ENOX1: variants seen among roughly 807,000 people sequenced by gnomAD.
The protein encoded by ENOX1 is candidate growth-related and time keeping constitutive hydroquinone (NADH) oxidase.
ENOX1 carries 42 observed loss-of-function variants against 82.5 expected under a neutral mutation model. That is an observed-to-expected ratio of 0.51 (90% confidence interval 0.40 to 0.66). The LOEUF is 0.66. Ranked by LOEUF, ENOX1 falls within the 30% of genes least tolerant of loss-of-function variation. ENOX1 has a pLI of 0.00. For missense variants in ENOX1, 608 were observed against 811.6 expected, an observed-to-expected ratio of 0.75 and a Z score of 3.05; for synonymous variants, 271 against 282.2, an observed-to-expected ratio of 0.96 and a Z score of 0.40.
chr13:43,344,220 G>A (rs988824527), intron 9 of ENOX1, among the ~76,000 whole-genome samples: 1 of 152,260 alleles, frequency 6.6e-6, no homozygotes, highest in African/African-American at 2.4e-5. Flanking sequence ...GAACGGTGGC[G>A]GCCCTGCAGC....
At chr13:43,558,827 G>T (rs776019099) in intron 2 of ENOX1, among the ~76,000 whole-genome samples, 2 of 152,174 alleles carry the variant, frequency 1.3e-5, no homozygotes, top group Non-Finnish European at 2.9e-5. Flanking sequence ...TCCTTTTACA[G>T]GCTGGCCAAC....
intron 2 of ENOX1, among the ~76,000 whole-genome samples, chr13:43,648,394 G>C (rs1340550718): frequency 6.6e-6 from 1 of 152,206 alleles, no homozygotes; most frequent in Non-Finnish European, 1.5e-5. Context: ...CTGACAGATA[G>C]AGATTAAGCA....
rs1593321129 is a variant in ENOX1, at chr13:43,462,497, A to C, written c.-75+21512T>G. 2.6e-5 allele frequency among the ~76,000 whole-genome samples: 4 copies of C among 152,234 alleles called. No homozygotes were observed. In the South Asian group the frequency reaches 8.3e-4, roughly 32 times the overall value. On this transcript the variant is annotated intron_variant, in intron 3 of 16. Coordinates refer to ENST00000690772, the MANE Select transcript of ENOX1 (RefSeq NM_001347969.2). ...CAATTCAAATAAGCTTACAGCTGGC[A>C]AAAAAATCTCTTCTGTAAAGCGATC...
chr13:43,347,851 T>G (rs1048954617), intron 8 of ENOX1, among the ~76,000 whole-genome samples: 6 of 152,244 alleles, frequency 3.9e-5, no homozygotes, highest in African/African-American at 1.4e-4. Flanking sequence ...AATGTGCAGA[T>G]GTGCTTTTTC....
At chr13:43,561,298 C>G (rs2079655502) in intron 2 of ENOX1, among the ~76,000 whole-genome samples, 1 of 152,102 alleles carries the variant, frequency 6.6e-6, no homozygotes, top group African/African-American at 2.4e-5. Flanking sequence ...CGACAAAGCT[C>G]CCTGTACTTG....
At chr13:43,783,335 T>C (rs1013114116) in intron 1 of ENOX1, among the ~76,000 whole-genome samples, 7 of 152,356 alleles carry the variant, frequency 4.6e-5, no homozygotes, top group Middle Eastern at 3.4e-3. Context: ...ATGTATTTTC[T>C]AAGTACAATA....
intron 1 of ENOX1, among the ~76,000 whole-genome samples, chr13:43,687,471 AC>A (rs1352809785): frequency 6.6e-6 from 1 of 152,090 alleles, no homozygotes; most frequent in African/African-American, 2.4e-5. Context: ...TTTGTATTCT[AC>A]AGAGTTTGTC....
At chr13:43,292,717 A>G (rs1193685954) in intron 12 of ENOX1, among the ~76,000 whole-genome samples, 4 of 152,094 alleles carry the variant, frequency 2.6e-5, no homozygotes, top group Non-Finnish European at 5.9e-5. Context: ...TAATGCTACC[A>G]CAGCCTCCTT....
intron 2 of ENOX1, among the ~76,000 whole-genome samples, chr13:43,659,852 A>T (rs1329860267): frequency 1.3e-5 from 2 of 152,138 alleles, no homozygotes; most frequent in Non-Finnish European, 2.9e-5. Context: ...AACAGAAGGT[A>T]TTGTCATTCT....
At position 43,749,530 on chromosome 13, in the gene ENOX1, C is replaced by A. The variant is rs149298421; in HGVS notation, c.-285+37122G>T. Among the ~76,000 whole-genome samples, 651 of 152,344 alleles carry A rather than the reference C, an allele frequency of 4.3e-3. 1 individual carries two copies. Among genetic ancestry groups the A allele is most frequent in the African/African-American group, 0.015 (622 of 41,588 alleles). Reference sequence around the variant, plus strand: ...ATGGAAATGCTGGGCTTGGTGACAACAGCAAGGACAACATCAGCATCAAGT... The same window carrying A: ...ATGGAAATGCTGGGCTTGGTGACAAAAGCAAGGACAACATCAGCATCAAGT... On this transcript the variant is annotated intron_variant, in intron 1 of 16. Coordinates refer to ENST00000690772, the MANE Select transcript of ENOX1 (RefSeq NM_001347969.2).
chr13:43,292,695 T>G (rs1011513612), intron 12 of ENOX1, among the ~76,000 whole-genome samples: 3 of 151,940 alleles, frequency 2.0e-5, no homozygotes. Flanking sequence ...TTCTAATCAT[T>G]AAAAGCACCA....
Position 43,534,059 on chromosome 13 carries a change from T to G in ENOX1, c.-218-49907A>C, listed in dbSNP as rs555071478. On this transcript the variant is annotated intron_variant, in intron 2 of 16. Coordinates refer to ENST00000690772, the MANE Select transcript of ENOX1 (RefSeq NM_001347969.2). ...TCAAGTGCAAAAGTTGAATTTGTCC[T>G]CCAAAAATTTGCACTGGCTTTTACT... Among the ~76,000 whole-genome samples the G allele has an allele frequency of 2.0e-5, 3 of 152,252 alleles. No individual in the cohort carries two copies. In the South Asian group the frequency reaches 6.2e-4, roughly 32 times the overall value.
chr13:43,513,925 A>G (rs2077465862), intron 2 of ENOX1, among the ~76,000 whole-genome samples: 1 of 152,190 alleles, frequency 6.6e-6, no homozygotes, highest in African/African-American at 2.4e-5. Context: ...AAATGTTTTC[A>G]TAGAAAACAT....
At chr13:43,630,596 T>C (rs1398629152) in intron 2 of ENOX1, among the ~76,000 whole-genome samples, 4 of 151,944 alleles carry the variant, frequency 2.6e-5, no homozygotes, top group African/African-American at 7.3e-5. Flanking sequence ...AAGGATTACC[T>C]TGTGAGCCTC....
At chr13:43,543,083 C>T (rs1161813214) in intron 2 of ENOX1, among the ~76,000 whole-genome samples, 3 of 151,954 alleles carry the variant, frequency 2.0e-5, no homozygotes, top group Non-Finnish European at 2.9e-5. Context: ...TCTGTAAGAA[C>T]GAGTATGCAT....
At chr13:43,255,280 G>A (rs1021913157) in intron 14 of ENOX1, among the ~76,000 whole-genome samples, 2 of 152,082 alleles carry the variant, frequency 1.3e-5, no homozygotes, top group Non-Finnish European at 2.9e-5. Flanking sequence ...ACCAGGTATA[G>A]AAGGAACATA....
intron 2 of ENOX1, among the ~76,000 whole-genome samples, chr13:43,646,318 T>C (rs912187296): frequency 6.6e-6 from 1 of 152,248 alleles, no homozygotes; most frequent in Non-Finnish European, 1.5e-5. Flanking sequence ...CTCACTGCTC[T>C]TGACAGCTCT....
At chr13:43,639,102 G>A (rs1432515330) in intron 2 of ENOX1, among the ~76,000 whole-genome samples, 7 of 94,062 alleles carry the variant, frequency 7.4e-5, no homozygotes, top group Non-Finnish European at 1.6e-4. Flanking sequence ...TCAGGAGTTC[G>A]AGACCAGCCT....
chr13:43,292,715 C>T (rs548476864), intron 12 of ENOX1, among the ~76,000 whole-genome samples: 1 of 152,148 alleles, frequency 6.6e-6, no homozygotes, highest in Admixed American at 6.5e-5. Flanking sequence ...AATAATGCTA[C>T]CACAGCCTCC....
Sources: allele counts gnomAD v4.1 joint callset (sites outside exome capture counted in the v4.1 genomes callset), GRCh38; gene constraint gnomAD v4.1.1; transcripts MANE v1.5; gene names NCBI Gene and HGNC (gene_info 2026-07-23, HGNC 2026-07-21).